The following FAM117B variants were observed in gnomAD, a reference collection of about 807,000 sequenced individuals.
FAM117B encodes the protein protein FAM117B.
A neutral mutation model predicts 52.8 loss-of-function variants in FAM117B; 22 were observed. The observed-to-expected ratio is 0.42, with a 90% CI of 0.30 to 0.59. The LOEUF (loss-of-function observed/expected upper bound fraction) is 0.59, where lower values mean the gene tolerates loss of function less well. FAM117B is among the 20% of genes least tolerant of loss of function. The pLI is 0.22. For synonymous variants in FAM117B, 309 were observed against 324.1 expected, an observed-to-expected ratio of 0.95 and a Z score of 0.50; for missense variants, 678 against 802.6, an observed-to-expected ratio of 0.84 and a Z score of 1.88.
At chr2:202,676,593 T>C (rs1464735886) in intron 1 of FAM117B, among the ~76,000 whole-genome samples, 1 of 152,092 alleles carries the variant, frequency 6.6e-6, no homozygotes, top group African/African-American at 2.4e-5. Context: ...TTGGTCAGGC[T>C]GGTCTTGAAC....
Position 202,641,865 on chromosome 2 carries a change from C to T in FAM117B, c.601+6077C>T, listed in dbSNP as rs534998513. Among the ~76,000 whole-genome samples, 9 of 152,058 alleles carry T rather than the reference C, an allele frequency of 5.9e-5. No homozygotes were observed. The South Asian group carries it at 1.0e-3, about 18-fold the overall frequency. ...TGTTGGCCAGGCTGGTCTCGAACTC[C>T]TGACCTCAGGCGGTCCATCCGCCTC... On this transcript the variant is annotated intron_variant, in intron 1 of 7. Transcript: ENST00000392238.
intron 4 of FAM117B, among the ~76,000 whole-genome samples, chr2:202,747,764 A>G (rs1691656918): frequency 6.6e-6 from 1 of 152,204 alleles, no homozygotes; most frequent in Non-Finnish European, 1.5e-5. Flanking sequence ...GAAATGAAAG[A>G]TATCTACAAC....
intron 2 of FAM117B, among the ~76,000 whole-genome samples, chr2:202,716,312 G>A (rs1691055855): frequency 6.6e-6 from 1 of 151,832 alleles, no homozygotes; most frequent in Admixed American, 6.6e-5. Flanking sequence ...GCAGATCATT[G>A]GGTGTGTTGT....
intron 4 of FAM117B, among the ~76,000 whole-genome samples, chr2:202,728,720 A>AT (rs1243518805): frequency 6.6e-6 from 1 of 152,194 alleles, no homozygotes; most frequent in Non-Finnish European, 1.5e-5. Context: ...TGAAGTGATT[A>AT]TTTTTTAAAC....
At chr2:202,655,101 A>G (rs1246618484) in intron 1 of FAM117B, among the ~76,000 whole-genome samples, 2 of 152,158 alleles carry the variant, frequency 1.3e-5, no homozygotes, top group African/African-American at 4.8e-5. Flanking sequence ...CTATAGTTTT[A>G]CTTTTTTCAG....
At chr2:202,733,556 A>T (rs13432230) in intron 4 of FAM117B, among the ~76,000 whole-genome samples, 2 of 151,890 alleles carry the variant, frequency 1.3e-5, no homozygotes, top group African/African-American at 4.9e-5. Context: ...AATTATTAAT[A>T]TTCCTTGCTG....
At chr2:202,765,399 T>C in intron 7 of FAM117B, 47 bp from the exon 8 acceptor site, 1 of 1,497,606 alleles carries the variant, frequency 6.7e-7, no homozygotes, top group African/African-American at 1.4e-5. Flanking sequence ...TTTTTATTTT[T>C]TAAGTTCAGT....
chr2:202,691,438 T>A (rs926408512), intron 1 of FAM117B, among the ~76,000 whole-genome samples: 4 of 151,726 alleles, frequency 2.6e-5, no homozygotes, highest in Non-Finnish European at 4.4e-5. Context: ...GAAATAATAA[T>A]AATCCAATAA....
intron 1 of FAM117B, among the ~76,000 whole-genome samples, chr2:202,638,967 T>A (rs1175415684): frequency 6.6e-6 from 1 of 152,208 alleles, no homozygotes; most frequent in Admixed American, 6.5e-5. Flanking sequence ...CAGGTGTTCA[T>A]AACACACACA....
chr2:202,708,765 T>C (rs2105781383), intron 2 of FAM117B, among the ~76,000 whole-genome samples: 1 of 152,168 alleles, frequency 6.6e-6, no homozygotes, highest in East Asian at 1.9e-4. Context: ...CCACCACACC[T>C]GAATAATTTA....
Position 202,768,674 on chromosome 2 carries a change from A to G in FAM117B, c.*2910A>G, listed in dbSNP as rs1173011207. 2.0e-5 allele frequency: 3 copies of G among 152,574 alleles called. No homozygotes were observed. Among genetic ancestry groups the G allele is most frequent in the Non-Finnish European group, 2.9e-5 (2 of 68,006 alleles). 9.5% of individuals were successfully genotyped at this position (152,574 alleles called of 1,614,324 possible). A position where few individuals can be genotyped will look rare whatever the true frequency, so the allele number is the denominator to read the frequency against. On this transcript the variant is annotated 3_prime_UTR_variant, in exon 8 of 8. Coordinates refer to ENST00000392238, the MANE Select transcript of FAM117B (RefSeq NM_173511.4). ...AGTGAAATGTGACACTCTCAATAGA[A>G]TGCATAATGTTGGTTTCTAAAGTTA...
At chr2:202,728,562 C>G (rs567213849) in intron 4 of FAM117B, among the ~76,000 whole-genome samples, 2 of 152,268 alleles carry the variant, frequency 1.3e-5, no homozygotes, top group African/African-American at 2.4e-5. Context: ...CTTCCCCTTC[C>G]TCTCATTCAT....
chr2:202,641,947 C>CTTT (rs758973320), intron 1 of FAM117B, among the ~76,000 whole-genome samples: 1 of 125,418 alleles, frequency 8.0e-6, no homozygotes, highest in Non-Finnish European at 1.7e-5. Context: ...CAGATATTTT[C>CTTT]TTTTTTTTTT....
At chr2:202,713,572 C>T (rs1259042494) in intron 2 of FAM117B, among the ~76,000 whole-genome samples, 1 of 151,934 alleles carries the variant, frequency 6.6e-6, no homozygotes, top group African/African-American at 2.4e-5. Flanking sequence ...TTGGTTTGCT[C>T]CTTTCTGGTT....
intron 1 of FAM117B, among the ~76,000 whole-genome samples, chr2:202,650,309 G>A (rs554784264): frequency 2.6e-5 from 4 of 152,056 alleles, no homozygotes; most frequent in South Asian, 2.1e-4. Context: ...TTGGGTGGTC[G>A]GGTTAATAAT....
chr2:202,716,166 G>A (rs1691052751), intron 2 of FAM117B, among the ~76,000 whole-genome samples: 1 of 152,242 alleles, frequency 6.6e-6, no homozygotes, highest in African/African-American at 2.4e-5. Context: ...TACAGTTTTT[G>A]TCTTCAAATC....
At chr2:202,665,975 A>C (rs1447645181) in intron 1 of FAM117B, among the ~76,000 whole-genome samples, 1 of 152,206 alleles carries the variant, frequency 6.6e-6, no homozygotes, top group Non-Finnish European at 1.5e-5. Context: ...CAAACCATTC[A>C]TCCTACTCAC....
chr2:202,716,886 G>A (rs759232971), intron 2 of FAM117B, among the ~76,000 whole-genome samples: 1 of 152,004 alleles, frequency 6.6e-6, no homozygotes. Flanking sequence ...CAATCTCTTT[G>A]TTAAATTTGT....
At chr2:202,688,030 C>T (rs1295756868) in intron 1 of FAM117B, among the ~76,000 whole-genome samples, 1 of 152,024 alleles carries the variant, frequency 6.6e-6, no homozygotes, top group Non-Finnish European at 1.5e-5. Context: ...TAAATTTTCC[C>T]TTAGATTATA....
Sources: gnomAD v4.1 joint callset for allele counts (sites outside exome capture counted in the v4.1 genomes callset) on GRCh38, gnomAD v4.1.1 for gene constraint, MANE v1.5 for transcripts, NCBI Gene and HGNC (gene_info 2026-07-23, HGNC 2026-07-21) for gene names.